The following NADK variants were observed in gnomAD, a reference collection of about 807,000 sequenced individuals.
NADK encodes the protein NAD kinase, also known as poly(P)/ATP NAD kinase.
In NADK, 22 loss-of-function variants were observed where a neutral mutation model predicts 49.8. The observed-to-expected ratio is 0.44, with a 90% CI of 0.32 to 0.63. The LOEUF is 0.63. NADK is among the 30% of genes least tolerant of loss of function. NADK has a pLI of 0.06. For missense variants in NADK, 438 were observed against 609.4 expected (o/e 0.72, Z 2.96); for synonymous variants, 268 against 253.7 (o/e 1.06, Z -0.54).
At chr1:1,758,901 C>T (rs775310348) in intron 3 of NADK, among the ~76,000 whole-genome samples, 33 of 152,180 alleles carry the variant, frequency 2.2e-4, no homozygotes, top group Admixed American at 7.9e-4. Flanking sequence ...CCCGCGGAAC[C>T]GGCTGGGCCC....
At chr1:1,753,086 G>C (rs1341270332) in intron 11 of NADK, 26 bp from the exon 12 acceptor site, 1 of 1,591,328 alleles carries the variant, frequency 6.3e-7, no homozygotes, top group Non-Finnish European at 8.6e-7. Context: ...AGCAGCCTGA[G>C]CCAGGGCTTC....
At position 1,752,759 on chromosome 1, in the gene NADK, A is replaced by T. The variant is rs1278255601; in HGVS notation, c.*145T>A. ...TTAAAAAAACAGCTGATCTGGACAA[A>T]AGGCAGACCCAGGCTCTAACCCAGC... On this transcript the variant is annotated 3_prime_UTR_variant, in exon 12 of 12. Transcript: ENST00000341426. The T allele has an allele frequency of 4.2e-6, 4 of 953,004 alleles. No homozygotes were observed. Among genetic ancestry groups the T allele is most frequent in the Non-Finnish European group, 6.3e-6 (4 of 639,662 alleles). 59.0% of individuals were successfully genotyped at this position (953,004 alleles called of 1,614,324 possible).
intron 3 of NADK, chr1:1,759,099 A>T: frequency 5.9e-6 from 9 of 1,537,540 alleles, no homozygotes; most frequent in Non-Finnish European, 7.9e-6. Context: ...GTCACCACTG[A>T]CCCAGTGGCC....
chr1:1,756,341 A>G lies in NADK; in HGVS notation c.502T>C (p.Tyr168His). ...TCTATCTGATTGGAAATGTCATCAT[A>G]ATCTAGGAAACACAAAGCAAAACCA... ...KKKFCTFREDYDDISNQIDFI... is the reference protein window; with the variant it reads ...KKKFCTFREDHDDISNQIDFI... The change falls in exon 6 of 12, where the codon TAT (tyrosine) becomes CAT (histidine). Residue 168 changes from tyrosine to histidine, a missense_variant and splice_region_variant. Tyr to His is a moderately conservative substitution (Grantham distance 83). Transcript: ENST00000341426. 6.2e-7 allele frequency: 1 copy of G among 1,613,986 alleles called. No individual in the cohort carries two copies. The highest frequency in any genetic ancestry group is 8.5e-7 in the Non-Finnish European group (1 of 1,179,896).
In NADK at chr1:1,752,721, A is replaced by G. The variant is rs898534491; in HGVS notation, c.*183T>C. On this transcript the variant is annotated 3_prime_UTR_variant, in exon 12 of 12. Transcript: ENST00000341426. Reference sequence around the variant, plus strand: ...CTCACGCTTCTTTAGAAATGCAAAAAAAGTCAGACATTTTAAAAAAACAGC... The same window carrying G: ...CTCACGCTTCTTTAGAAATGCAAAAGAAGTCAGACATTTTAAAAAAACAGC... 6 of 679,084 alleles carry G rather than the reference A, an allele frequency of 8.8e-6. No homozygotes were observed. In the African/African-American group the frequency reaches 9.1e-5, roughly 10 times the overall value. 42.1% of individuals were successfully genotyped at this position (679,084 alleles called of 1,614,324 possible). A position where few individuals can be genotyped will look rare whatever the true frequency, so the allele number is the denominator to read the frequency against.
intron 4 of NADK, 29 bp downstream of exon 4, chr1:1,757,152 C>A (rs745624445): frequency 6.7e-7 from 1 of 1,482,528 alleles, no homozygotes; most frequent in East Asian, 2.4e-5. Context: ...ATGTGCACCC[C>A]AGGCCCCCTT....
intron 3 of NADK, chr1:1,759,190 C>A: frequency 6.4e-7 from 1 of 1,570,734 alleles, no homozygotes. Flanking sequence ...CCGGCCCAGG[C>A]ACCCACCGCT....
chr1:1,767,884 A>C (rs1029739942), intron 1 of NADK, among the ~76,000 whole-genome samples: 3 of 152,204 alleles, frequency 2.0e-5, no homozygotes. Context: ...CCTCTAAGAA[A>C]GGAGTTAAAT....
At chr1:1,758,849 G>A (rs1645619554) in intron 3 of NADK, among the ~76,000 whole-genome samples, 1 of 152,152 alleles carries the variant, frequency 6.6e-6, no homozygotes, top group Non-Finnish European at 1.5e-5. Flanking sequence ...CAAGTACCCA[G>A]CCTCCAGCCT....
chr1:1,759,779 ACT>A (rs759457362), intron 3 of NADK: 6 of 1,556,740 alleles, frequency 3.9e-6, no homozygotes, highest in Non-Finnish European at 4.3e-6. Flanking sequence ...CTCGGGGACC[ACT>A]GAGTACGCCC....
intron 1 of NADK, among the ~76,000 whole-genome samples, chr1:1,770,526 A>C (rs1473834491): frequency 2.6e-5 from 4 of 152,172 alleles, no homozygotes; most frequent in Non-Finnish European, 2.9e-5. Flanking sequence ...ACAACAGGAA[A>C]TTGAGACCAT....
At position 1,759,704 on chromosome 1, in the gene NADK, A is replaced by G. The variant is rs1262587228; in HGVS notation, c.263+2248T>C. 4.5e-6 allele frequency: 7 copies of G among 1,546,366 alleles called. No individual in the cohort carries two copies. The East Asian group carries it at 1.2e-4, about 27-fold the overall frequency. On this transcript the variant is annotated intron_variant, in intron 3 of 11. Coordinates refer to ENST00000341426, the MANE Select transcript of NADK (RefSeq NM_023018.5). ...CCCATGGGGGTGCCGAGAAAGCTGC[A>G]TGCCCCTCAAGGCTGCCCCACAAAC...
intron 1 of NADK, among the ~76,000 whole-genome samples, chr1:1,777,931 C>T (rs1051657921): frequency 1.3e-5 from 2 of 152,182 alleles, no homozygotes; most frequent in Admixed American, 6.5e-5. Context: ...AGTCAAAGAC[C>T]CCTCCTGCTT....
In NADK at chr1:1,754,097, G is replaced by A. The variant is rs1645427054; in HGVS notation, c.1055C>T (p.Ser352Leu). 6.2e-7 allele frequency: 1 copy of A among 1,606,018 alleles called. No homozygotes were observed. The highest frequency in any genetic ancestry group is 1.3e-5 in the African/African-American group (1 of 74,582). The change falls in exon 10 of 12, where the codon TCG becomes TTG. Residue 352 changes from serine (S) to leucine (L), a missense_variant. Coordinates refer to ENST00000341426, the MANE Select transcript of NADK (RefSeq NM_023018.5). This position sits in a 1 kb window ranked among gnomAD's most constrained non-coding sequence, Gnocchi z 4.3. The stretch of plus-strand genomic sequence containing the variant: ...GACCACGATGGGCCGGAAGGACAGC[G>A]AGTGGGGGCAGATGGGCGTGATCAT... Reference protein sequence around the residue: ...AIMITPICPHSLSFRPIVVPA... With the variant: ...AIMITPICPHLLSFRPIVVPA...
In NADK at chr1:1,752,666, C is replaced by A. The variant is rs559174859; in HGVS notation, c.*238G>T. 6.3e-6 allele frequency: 3 copies of A among 476,112 alleles called. No individual in the cohort carries two copies. In the East Asian group the frequency reaches 1.0e-4, roughly 16 times the overall value. 29.5% of individuals were successfully genotyped at this position (476,112 alleles called of 1,614,324 possible). ...GCTCCAGGGACCCACCGCGGGGTGT[C>A]AGCAGGACAGAAGCACTCCCAGCCC... On this transcript the variant is annotated 3_prime_UTR_variant, in exon 12 of 12. Transcript: ENST00000341426.
intron 10 of NADK, 89 bp downstream of exon 10, chr1:1,753,962 C>T: frequency 6.8e-7 from 1 of 1,465,716 alleles, no homozygotes. Context: ...CTGGAGCCAG[C>T]ATGGCAGAGC....
chr1:1,773,789 C>G (rs893429516), intron 1 of NADK, among the ~76,000 whole-genome samples: 25 of 149,028 alleles, frequency 1.7e-4, no homozygotes, highest in East Asian at 1.2e-3. Context: ...GCTCTGTCAC[C>G]TAAGCTGGAG....
At chr1:1,753,467 G>A (rs1268205809) in intron 11 of NADK, 100 bp downstream of exon 11, 8 of 942,532 alleles carry the variant, frequency 8.5e-6, no homozygotes, top group Non-Finnish European at 1.1e-5. Flanking sequence ...GGTGCCCTAG[G>A]GGACAAGCTG....
intron 2 of NADK, 43 bp from the exon 3 acceptor site, chr1:1,762,078 C>T (rs1348233044): frequency 1.3e-6 from 2 of 1,534,504 alleles, no homozygotes; most frequent in Non-Finnish European, 1.8e-6. Context: ...GGCCTGAAAC[C>T]AGACATGCAG....
Sources: gnomAD v4.1 joint callset for allele counts (sites outside exome capture counted in the v4.1 genomes callset) on GRCh38, gnomAD v4.1.1 for gene constraint, Gnocchi (gnomAD v3.1) non-coding constraint, MANE v1.5 for transcripts, NCBI Gene and HGNC (gene_info 2026-07-23, HGNC 2026-07-21) for gene names.